Variants in HYAL3 observed in about 807,000 individuals in gnomAD.
HYAL3 encodes the protein hyaluronidase-3.
A neutral mutation model predicts 29.6 loss-of-function variants in HYAL3; 25 were observed. That is an observed-to-expected ratio of 0.85 (90% CI 0.62 to 1.18). The LOEUF (loss-of-function observed/expected upper bound fraction) is 1.18. Ranked by LOEUF, HYAL3 falls within the 50% of genes most tolerant of loss-of-function variation. The pLI, the probability that HYAL3 is intolerant of heterozygous loss-of-function variation, is 0.00. For missense variants in HYAL3, 442 were observed against 548.4 expected (o/e 0.81, Z 1.94); for synonymous variants, 215 against 218.3 (o/e 0.99, Z 0.13).
rs143818962 is a variant in HYAL3 at position 50,293,702 on chromosome 3, A to G, written c.914T>C (p.Ile305Thr). The G allele has an allele frequency of 1.8e-4, 287 of 1,613,520 alleles. No homozygotes were observed. Among genetic ancestry groups the G allele is most frequent in the Non-Finnish European group, 2.3e-4 (268 of 1,179,992 alleles). Residue 305 changes from isoleucine to threonine, a missense_variant, in exon 3 of 4, where the codon ATT (isoleucine) becomes ACT (threonine). Coordinates refer to ENST00000336307, the MANE Select transcript of HYAL3 (RefSeq NM_003549.4). ...FLSQDDLVQS[I>T]GVSAALGAAG... ...TGCCCCTAGTGCTGCACTCACACCAATGGACTGCACAAGGTCATCCTGGAG... is the reference window on the plus strand; with the variant it reads ...TGCCCCTAGTGCTGCACTCACACCAGTGGACTGCACAAGGTCATCCTGGAG...
At chr3:50,294,634 G>C (rs1312017252) in intron 2 of HYAL3, 75 bp downstream of exon 2, 5 of 1,307,482 alleles carry the variant, frequency 3.8e-6, no homozygotes, top group Non-Finnish European at 5.1e-6. Context: ...CCCTAGGCAA[G>C]GTCTTCTCCT....
At position 50,293,083 on chromosome 3, in the gene HYAL3, G is replaced by GT. The variant is rs587695747; in HGVS notation, c.*162dup. ...TCAGAGGGCCTCTGGTTTTATAAGCGTTTTTTCTGGCCCCTTCTACCCCTC... is the reference window on the plus strand; with the variant it reads ...TCAGAGGGCCTCTGGTTTTATAAGCGTTTTTTTCTGGCCCCTTCTACCCCTC... On this transcript the variant is annotated 3_prime_UTR_variant, in exon 4 of 4. Coordinates refer to ENST00000336307, the MANE Select transcript of HYAL3 (RefSeq NM_003549.4). 1.4e-4 allele frequency: 205 copies of GT among 1,432,920 alleles called. No individual in the cohort carries two copies. The African/African-American group carries it at 1.6e-3, about 11-fold the overall frequency. 88.8% of individuals were successfully genotyped at this position (1,432,920 alleles called of 1,614,324 possible).
At position 50,294,706 on chromosome 3, in the gene HYAL3, T is replaced by G. The variant is rs1553710642; in HGVS notation, c.894+3A>C. On this transcript the variant is annotated splice_donor_region_variant and intron_variant, in intron 2 of 3. Coordinates refer to ENST00000336307, the MANE Select transcript of HYAL3 (RefSeq NM_003549.4). ...AGACCCCTAGACCTCAGCTTCCACT[T>G]ACCTGGGACAGGAACCTCCCAGATC... is the stretch of plus-strand genomic sequence containing the variant. The G allele has an allele frequency of 2.0e-6, 3 of 1,500,260 alleles. No homozygotes were observed. In the African/African-American group the frequency reaches 4.2e-5, roughly 21 times the overall value. The allele number at this position is 1,500,260 out of a possible 1,614,324, so 92.9% of individuals were successfully genotyped here. A position where few individuals can be genotyped will look rare whatever the true frequency, so the allele number is the denominator to read the frequency against.
chr3:50,293,406 C>T lies in HYAL3; in HGVS notation c.1094G>A (p.Gly365Glu). ...TCCTGGATCTCGCCGGGCACAGCGC[C>T]CGTGGCCATGGCACCGCTGGTGACT... The part of the protein sequence containing the change: ...ACSHQRCHGH[G>E]RCARRDPGQM... The change falls in exon 4 of 4, where the codon GGG becomes GAG. Residue 365 changes from glycine (G) to glutamate (E), a missense_variant. By Grantham distance (98) the Gly-to-Glu change is moderately conservative (BLOSUM62 -2). Coordinates refer to ENST00000336307, the MANE Select transcript of HYAL3 (RefSeq NM_003549.4). 1.9e-6 allele frequency: 3 copies of T among 1,613,672 alleles called. No homozygotes were observed. Among genetic ancestry groups the T allele is most frequent in the Non-Finnish European group, 2.5e-6 (3 of 1,180,040 alleles).
Position 50,292,988 on chromosome 3 carries a change from G to T in HYAL3, c.*258C>A. On this transcript the variant is annotated 3_prime_UTR_variant, in exon 4 of 4. Transcript: ENST00000336307. ...AGGTGTAGGCACAAAGCCCTAGGCT[G>T]GCAGCCCTAACTAGCTGGAACCTGA... The T allele has an allele frequency of 6.4e-7, 1 of 1,555,278 alleles. No individual in the cohort carries two copies. The highest frequency in any genetic ancestry group is 8.7e-7 in the Non-Finnish European group (1 of 1,150,618).
Position 50,297,830 on chromosome 3 carries a change from G to A in HYAL3, c.-18+1383C>T. ...ACCTGATAGCACAGGTGACCTGGAA[G>A]AGACCCATCCCCTATAGAGCAGGGC... On this transcript the variant is annotated intron_variant, in intron 1 of 3. Transcript: ENST00000336307. This position sits in a 1 kb window ranked among gnomAD's most constrained non-coding sequence, Gnocchi z 4.3. 2 of 1,115,912 alleles carry A rather than the reference G, an allele frequency of 1.8e-6. No individual in the cohort carries two copies. Among genetic ancestry groups the A allele is most frequent in the Non-Finnish European group, 2.2e-6 (2 of 913,582 alleles). 69.1% of individuals were successfully genotyped at this position (1,115,912 alleles called of 1,614,324 possible).
rs2109298651 is a variant in HYAL3 at position 50,299,295 on chromosome 3, C to G, written c.-100G>C. The stretch of plus-strand genomic sequence containing the variant: ...CACTCAGTCGCCACCTCGGACTCCT[C>G]GGTCCGACAACGTTGGCCCCCAGCG... On this transcript the variant is annotated 5_prime_UTR_variant, in exon 1 of 4. Coordinates refer to ENST00000336307, the MANE Select transcript of HYAL3 (RefSeq NM_003549.4). 6.2e-7 allele frequency: 1 copy of G among 1,612,176 alleles called. No individual in the cohort carries two copies. Among genetic ancestry groups the G allele is most frequent in the South Asian group, 1.1e-5 (1 of 91,014 alleles).
In HYAL3 at chr3:50,297,257, G is replaced by A. The variant is rs35565547; in HGVS notation, c.-17-1638C>T. ...GGTCAGCACAAGCATCCAGGAGCTC[G>A]GGTCGGCGGTGCACAGGCTCCAGGG... On this transcript the variant is annotated intron_variant, in intron 1 of 3. Transcript: ENST00000336307. The surrounding 1 kb of genome is among the most constrained non-coding windows in gnomAD (Gnocchi z 4.3). 70 of 1,610,266 alleles carry A rather than the reference G, an allele frequency of 4.3e-5. No homozygotes were observed. The Admixed American group carries it at 4.5e-4, about 10-fold the overall frequency.
chr3:50,297,122 A>T lies in HYAL3; in HGVS notation c.-17-1503T>A. Reference sequence around the variant, plus strand: ...GGCCCACCACAACGGGTGCTGCTTCAAGTGTGGGGTGGGGGCTTAGCAGCA... The same window carrying T: ...GGCCCACCACAACGGGTGCTGCTTCTAGTGTGGGGTGGGGGCTTAGCAGCA... On this transcript the variant is annotated intron_variant, in intron 1 of 3. Transcript: ENST00000336307. The surrounding 1 kb of genome is among the most constrained non-coding windows in gnomAD (Gnocchi z 4.3). 1 of 1,564,146 alleles carries T rather than the reference A, an allele frequency of 6.4e-7. No homozygotes were observed. The highest frequency in any genetic ancestry group is 1.4e-5 in the African/African-American group (1 of 73,590).
intron 1 of HYAL3, chr3:50,296,483 T>C (rs1025759737): frequency 8.3e-7 from 1 of 1,206,498 alleles, no homozygotes; most frequent in Non-Finnish European, 1.2e-6. Flanking sequence ...CCAGGAAACA[T>C]GCCCAGGTTA....
chr3:50,295,679 G>T, intron 1 of HYAL3, 60 bp from the exon 2 acceptor site: 1 of 1,398,912 alleles, frequency 7.1e-7, no homozygotes, highest in Non-Finnish European at 9.5e-7. Context: ...CCTTCCACAT[G>T]GCAGGGAAAG....
intron 2 of HYAL3, among the ~76,000 whole-genome samples, chr3:50,294,243 T>C (rs1701759148): frequency 6.6e-6 from 1 of 152,108 alleles, no homozygotes; most frequent in Admixed American, 6.5e-5. Flanking sequence ...AAGGCCGCAG[T>C]GAGCTGAGAT....
At chr3:50,296,749 G>C (rs1701861275) in intron 1 of HYAL3, 1 of 1,609,048 alleles carries the variant, frequency 6.2e-7, no homozygotes, top group Non-Finnish European at 8.5e-7. Context: ...GGCAATGGAG[G>C]TCCCTTGGGA....
Position 50,293,083 on chromosome 3 carries a change from GT to G in HYAL3, c.*162del. On this transcript the variant is annotated 3_prime_UTR_variant, in exon 4 of 4. Transcript: ENST00000336307. ...TCAGAGGGCCTCTGGTTTTATAAGC[GT>G]TTTTTCTGGCCCCTTCTACCCCTCA... 7.0e-7 allele frequency: 1 copy of G among 1,432,920 alleles called. No individual in the cohort carries two copies. Among genetic ancestry groups the G allele is most frequent in the Non-Finnish European group, 9.7e-7 (1 of 1,028,630 alleles). The allele number at this position is 1,432,920 out of a possible 1,614,324, so 88.8% of individuals were successfully genotyped here.
Position 50,294,802 on chromosome 3 carries a change from G to A in HYAL3, c.801C>T (p.Ala267=), listed in dbSNP as rs1701775810. ...GGTGCCCAACAAGGGCCACACGGAA[G>A]GCCTCCTCCAGGCGATGTCGGACAA... The part of the protein sequence containing the change: ...QAFVRHRLEE[A]FRVALVGHRH... Residue 267 remains alanine, a synonymous_variant, in exon 2 of 4, where the codon GCC becomes GCT. Coordinates refer to ENST00000336307, the MANE Select transcript of HYAL3 (RefSeq NM_003549.4). The A allele has an allele frequency of 6.6e-7, 1 of 1,521,468 alleles. No homozygotes were observed. Among genetic ancestry groups the A allele is most frequent in the East Asian group, 2.3e-5 (1 of 43,904 alleles). 94.2% of individuals were successfully genotyped at this position (1,521,468 alleles called of 1,614,324 possible).
In HYAL3 at chr3:50,293,527, G is replaced by A. The variant is rs372150741; in HGVS notation, c.985-12C>T. The A allele has an allele frequency of 3.5e-4, 568 of 1,611,500 alleles. 5 individuals carry two copies. The South Asian group carries it at 5.9e-3, about 17-fold the overall frequency. ...TGCCAGCACTCCTCCTGAGGAGAAGGGAAGATATGTGTCAATATGCCTGCT... is the reference window on the plus strand; with the variant it reads ...TGCCAGCACTCCTCCTGAGGAGAAGAGAAGATATGTGTCAATATGCCTGCT... On this transcript the variant is annotated splice_polypyrimidine_tract_variant and intron_variant, in intron 3 of 3. Coordinates refer to ENST00000336307, the MANE Select transcript of HYAL3 (RefSeq NM_003549.4).
rs888211905 is a variant in HYAL3, at chr3:50,297,868, G to T, written c.-18+1345C>A. The T allele has an allele frequency of 9.7e-6, 10 of 1,028,478 alleles. No homozygotes were observed. In the African/African-American group the frequency reaches 1.7e-4, roughly 18 times the overall value. 63.7% of individuals were successfully genotyped at this position (1,028,478 alleles called of 1,614,324 possible). A position where few individuals can be genotyped will look rare whatever the true frequency, so the allele number is the denominator to read the frequency against. On this transcript the variant is annotated intron_variant, in intron 1 of 3. Transcript: ENST00000336307. This position sits in a 1 kb window ranked among gnomAD's most constrained non-coding sequence, Gnocchi z 4.3. Reference sequence around the variant, plus strand: ...TATAGAGCAGGGCAGATAGATCCAGGTGTCTACCCCACATTGGAGGGAGGC... The same window carrying T: ...TATAGAGCAGGGCAGATAGATCCAGTTGTCTACCCCACATTGGAGGGAGGC...
rs1553710970 is a variant in HYAL3 at position 50,295,530 on chromosome 3, G to A, written c.73C>T (p.Gln25Ter). 2 of 1,597,870 alleles carry A rather than the reference G, an allele frequency of 1.3e-6. No individual in the cohort carries two copies. Among genetic ancestry groups the A allele is most frequent in the Non-Finnish European group, 8.5e-7 (1 of 1,170,520 alleles). ...ACAGAGAAGGGGCGTTCAGGGACCT[G>A]TGGTAGGGGCTGGCCACAACCCAGG... is the stretch of plus-strand genomic sequence containing the variant. Reference protein sequence around the residue: ...LCLGCGQPLPQVPERPFSVLW... With the variant: ...LCLGCGQPLP Residue 25 changes from glutamine to a stop codon, truncating the protein, a stop_gained, in exon 2 of 4, where the codon CAG (glutamine) becomes TAG (stop). Transcript: ENST00000336307. LOFTEE classifies it high-confidence loss of function.
In HYAL3 at chr3:50,295,634, G is replaced by A. The variant is rs1701815678; in HGVS notation, c.-17-15C>T. ...AGGATGGAAACCTGCAGGAGAGAGG[G>A]GGGTGTAAGCTTAGAGTCCGCAGCT... On this transcript the variant is annotated splice_polypyrimidine_tract_variant and intron_variant, in intron 1 of 3. Coordinates refer to ENST00000336307, the MANE Select transcript of HYAL3 (RefSeq NM_003549.4). The A allele has an allele frequency of 2.0e-6, 3 of 1,517,062 alleles. No individual in the cohort carries two copies. Among genetic ancestry groups the A allele is most frequent in the South Asian group, 2.6e-5 (2 of 76,944 alleles). 94.0% of individuals were successfully genotyped at this position (1,517,062 alleles called of 1,614,324 possible).
Sources: allele counts gnomAD v4.1 joint callset (sites outside exome capture counted in the v4.1 genomes callset), GRCh38; gene constraint gnomAD v4.1.1; non-coding constraint Gnocchi (gnomAD v3.1); transcripts MANE v1.5; gene names NCBI Gene and HGNC (gene_info 2026-07-23, HGNC 2026-07-21).